DIP2C: variants seen among roughly 807,000 people sequenced by gnomAD.
DIP2C encodes disco-interacting protein 2 homolog C.
Under a neutral mutation model 192.4 loss-of-function variants are expected in DIP2C, and 33 were observed. That is an observed-to-expected ratio of 0.17 (90% confidence interval 0.13 to 0.23). DIP2C has a LOEUF of 0.23. Among genes scored for constraint, DIP2C ranks in the 10% least tolerant of loss-of-function variants. The pLI is 1.00. For missense variants in DIP2C, 1,537 were observed against 2,110.1 expected (o/e 0.73, Z 5.32); for synonymous variants, 979 against 864.1 (o/e 1.13, Z -2.33).
chr10:670,162 G>C (rs533318657), intron 1 of DIP2C, among the ~76,000 whole-genome samples: 3 of 151,944 alleles, frequency 2.0e-5, no homozygotes, highest in Non-Finnish European at 4.4e-5. Context: ...ATGCACGTGC[G>C]CACATGCATG....
intron 2 of DIP2C, among the ~76,000 whole-genome samples, chr10:476,944 C>T (rs1297086511): frequency 6.7e-6 from 1 of 148,940 alleles, no homozygotes; most frequent in Non-Finnish European, 1.5e-5. Context: ...CTCGGTGGAG[C>T]TGGCCACAGG....
intron 34 of DIP2C, among the ~76,000 whole-genome samples, chr10:286,034 T>A (rs889303307): frequency 6.6e-6 from 1 of 152,238 alleles, no homozygotes; most frequent in Non-Finnish European, 1.5e-5. Context: ...CTTTTCAGAA[T>A]TATTTGAGGA....
chr10:614,312 G>A (rs999088042), intron 1 of DIP2C, among the ~76,000 whole-genome samples: 5 of 152,238 alleles, frequency 3.3e-5, no homozygotes, highest in African/African-American at 1.2e-4. Context: ...GAGACTCGGA[G>A]ACGGGAGCCT....
intron 22 of DIP2C, 91 bp from the exon 23 acceptor site, chr10:358,028 A>T: frequency 1.1e-6 from 1 of 910,072 alleles, no homozygotes; most frequent in Non-Finnish European, 1.7e-6. Flanking sequence ...TTACTCTCGG[A>T]AAACTTCTGG....
At chr10:590,855 C>A (rs896540351) in intron 1 of DIP2C, among the ~76,000 whole-genome samples, 1 of 152,182 alleles carries the variant, frequency 6.6e-6, no homozygotes, top group Non-Finnish European at 1.5e-5. Flanking sequence ...GGTGAAGGGG[C>A]CGCCTCCCTC....
At chr10:555,157 AC>A (rs1848780651) in intron 1 of DIP2C, among the ~76,000 whole-genome samples, 1 of 151,698 alleles carries the variant, frequency 6.6e-6, no homozygotes, top group Non-Finnish European at 1.5e-5. Context: ...CCCATATGAG[AC>A]CCAAAATTTA....
chr10:674,734 A>G (rs1305130947), intron 1 of DIP2C, among the ~76,000 whole-genome samples: 1 of 147,456 alleles, frequency 6.8e-6, no homozygotes, highest in East Asian at 2.0e-4. Context: ...GCACCACTGC[A>G]CTCCAGCCTA....
intron 18 of DIP2C, 126 bp from the exon 19 acceptor site, chr10:366,537 G>T: frequency 1.5e-6 from 2 of 1,313,570 alleles, no homozygotes; most frequent in Non-Finnish European, 2.1e-6. Context: ...AAAACTGCAC[G>T]GATGGTAGTC....
At chr10:421,866 C>A (rs1020668265) in intron 5 of DIP2C, among the ~76,000 whole-genome samples, 3 of 152,168 alleles carry the variant, frequency 2.0e-5, no homozygotes, top group South Asian at 2.1e-4. Context: ...CTGTTCCAGA[C>A]AGAAAACGGC....
chr10:294,876 C>G (rs551077209), intron 32 of DIP2C, among the ~76,000 whole-genome samples: 4 of 151,936 alleles, frequency 2.6e-5, no homozygotes, highest in South Asian at 2.1e-4. Context: ...GAAAAAACAA[C>G]CTACAGAATA....
chr10:522,922 C>T (rs1422438182), intron 1 of DIP2C, among the ~76,000 whole-genome samples: 2 of 151,676 alleles, frequency 1.3e-5, no homozygotes, highest in African/African-American at 4.9e-5. Context: ...AGCAAAGGAC[C>T]CTGGAGTGAG....
intron 22 of DIP2C, among the ~76,000 whole-genome samples, chr10:361,051 C>A (rs936382911): frequency 6.6e-6 from 1 of 152,118 alleles, no homozygotes; most frequent in Non-Finnish European, 1.5e-5. Flanking sequence ...GCGTATCAGG[C>A]CCTCAGCAGA....
chr10:535,321 T>C (rs1010728799), intron 1 of DIP2C, among the ~76,000 whole-genome samples: 11 of 150,756 alleles, frequency 7.3e-5, no homozygotes, highest in African/African-American at 2.7e-4. Flanking sequence ...AGAGGGGCGC[T>C]GTGGAAACTC....
intron 1 of DIP2C, among the ~76,000 whole-genome samples, chr10:604,271 T>G (rs1023615495): frequency 6.6e-6 from 1 of 152,136 alleles, no homozygotes; most frequent in African/African-American, 2.4e-5. Context: ...ACGTAAAAAT[T>G]GGCATTGTTT....
In DIP2C at chr10:616,424, TTC is replaced by T. The variant is rs1297293955; in HGVS notation, c.85+73068_85+73069del. Among the ~76,000 whole-genome samples, 5 of 152,132 alleles carry T rather than the reference TTC, an allele frequency of 3.3e-5. No individual in the cohort carries two copies. In the South Asian group the frequency reaches 1.0e-3, roughly 31 times the overall value. Reference sequence around the variant, plus strand: ...TAATTTGCTTTGTTCATAAAAGATTTTCTTATTTTAGGAATTTTTAAATCCAT... The same window carrying T: ...TAATTTGCTTTGTTCATAAAAGATTTTTATTTTAGGAATTTTTAAATCCAT... On this transcript the variant is annotated intron_variant, in intron 1 of 36. Transcript: ENST00000280886.
intron 35 of DIP2C, among the ~76,000 whole-genome samples, chr10:282,453 G>A (rs1034850841): frequency 1.3e-5 from 2 of 152,180 alleles, no homozygotes; most frequent in South Asian, 2.1e-4. Flanking sequence ...ATGTTAGAGA[G>A]GTATGTAAGG....
intron 1 of DIP2C, among the ~76,000 whole-genome samples, chr10:679,412 A>G (rs1341201137): frequency 1.1e-4 from 4 of 37,938 alleles, no homozygotes; most frequent in African/African-American, 2.2e-4. Context: ...CCCCACACCC[A>G]GGCTCCCCGC....
chr10:655,872 CTA>C (rs770750718), intron 1 of DIP2C, among the ~76,000 whole-genome samples: 27 of 150,494 alleles, frequency 1.8e-4, no homozygotes, highest in African/African-American at 2.4e-4. Context: ...TTCTTCTATT[CTA>C]TGTTACCCTA....
At chr10:504,767 G>C (rs1332051283) in intron 1 of DIP2C, among the ~76,000 whole-genome samples, 1 of 152,220 alleles carries the variant, frequency 6.6e-6, no homozygotes, top group Non-Finnish European at 1.5e-5. Context: ...CGCTAACCTG[G>C]TTCTTTTCAG....
Sources: allele counts gnomAD v4.1 joint callset (sites outside exome capture counted in the v4.1 genomes callset), GRCh38; gene constraint gnomAD v4.1.1; transcripts MANE v1.5; gene names NCBI Gene and HGNC (gene_info 2026-07-23, HGNC 2026-07-21).